Variants in PCDHAC1 observed in about 807,000 individuals in gnomAD.
The protein encoded by PCDHAC1 is protocadherin alpha-C1.
A neutral mutation model predicts 60.0 loss-of-function variants in PCDHAC1; 42 were observed. The ratio of observed to expected loss-of-function variants is 0.70; its 90% CI spans 0.55 to 0.90. The LOEUF is 0.90. Among genes scored for constraint, PCDHAC1 ranks in the 40% least tolerant of loss-of-function variants. The pLI, the probability that PCDHAC1 is intolerant of heterozygous loss-of-function variation, is 0.00. For missense variants in PCDHAC1, 1,160 were observed against 1,222.3 expected (o/e 0.95, Z 0.76); for synonymous variants, 468 against 499.3 (o/e 0.94, Z 0.84).
chr5:140,926,860 C>T lies in PCDHAC1; in HGVS notation c.-33C>T. 6.6e-7 allele frequency: 1 copy of T among 1,521,078 alleles called. No homozygotes were observed. The highest frequency in any genetic ancestry group is 8.8e-7 in the Non-Finnish European group (1 of 1,134,612). The allele number at this position is 1,521,078 out of a possible 1,614,324, so 94.2% of individuals were successfully genotyped here. A position where few individuals can be genotyped will look rare whatever the true frequency, so the allele number is the denominator to read the frequency against. The stretch of plus-strand genomic sequence containing the variant: ...TGGTCCTGGGTCACCGTTGGTGTAG[C>T]GTGTTGGTGGAACGTGGACGCCTAG... On this transcript the variant is annotated 5_prime_UTR_variant, in exon 1 of 4. Coordinates refer to ENST00000253807, the MANE Select transcript of PCDHAC1 (RefSeq NM_018898.5).
chr5:140,927,457 A>G lies in PCDHAC1; in HGVS notation c.565A>G (p.Lys189Glu). Residue 189 changes from lysine to glutamate, a missense_variant, in exon 1 of 4, where the codon AAA becomes GAA. By Grantham distance (56) the Lys-to-Glu change is moderately conservative. Coordinates refer to ENST00000253807, the MANE Select transcript of PCDHAC1 (RefSeq NM_018898.5). ...GSEYPELVLE[K>E]ALDREQRATH... ...CGAATACCCGGAGTTGGTGTTGGAG[A>G]AAGCACTGGATCGCGAACAGCGCGC... 1 of 1,614,098 alleles carries G rather than the reference A, an allele frequency of 6.2e-7. No individual in the cohort carries two copies. The highest frequency in any genetic ancestry group is 8.5e-7 in the Non-Finnish European group (1 of 1,180,018).
intron 1 of PCDHAC1, among the ~76,000 whole-genome samples, chr5:140,936,916 A>C (rs782442769): frequency 3.0e-4 from 46 of 152,222 alleles, no homozygotes; most frequent in Non-Finnish European, 6.6e-4. Context: ...ATCTGTAGAA[A>C]ATATGGGGTA....
intron 3 of PCDHAC1, chr5:140,989,029 T>C (rs1179991724): frequency 6.6e-6 from 1 of 152,170 alleles, no homozygotes. Context: ...TCAGTTATCA[T>C]TGATTCCTTT....
At chr5:140,953,333 G>T (rs1164031991) in intron 1 of PCDHAC1, among the ~76,000 whole-genome samples, 1 of 151,962 alleles carries the variant, frequency 6.6e-6, no homozygotes, top group East Asian at 1.9e-4. Flanking sequence ...TAGAATTTAG[G>T]GCTCACCTTC....
chr5:140,982,254 T>C (rs1275431812), intron 2 of PCDHAC1: 9 of 774,802 alleles, frequency 1.2e-5, no homozygotes, highest in Non-Finnish European at 1.5e-5. Flanking sequence ...AGATAGAACA[T>C]GTGTGTTCCT....
chr5:140,991,570 C>T (rs1554252306), intron 3 of PCDHAC1, among the ~76,000 whole-genome samples: 1 of 152,220 alleles, frequency 6.6e-6, no homozygotes, highest in Non-Finnish European at 1.5e-5. Context: ...TTTCCAATAA[C>T]AGGCTCCTTA....
chr5:140,962,087 A>G (rs1284028102), intron 1 of PCDHAC1, among the ~76,000 whole-genome samples: 10 of 151,912 alleles, frequency 6.6e-5, no homozygotes, highest in Non-Finnish European at 1.3e-4. Flanking sequence ...GGGTTTCACC[A>G]TGTTAGCCAG....
At chr5:141,006,637 T>C (rs782585273) in intron 3 of PCDHAC1, among the ~76,000 whole-genome samples, 8 of 152,118 alleles carry the variant, frequency 5.3e-5, no homozygotes, top group Non-Finnish European at 1.2e-4. Flanking sequence ...GCAATTCATA[T>C]AAGAGATGAT....
intron 2 of PCDHAC1, among the ~76,000 whole-genome samples, chr5:140,980,491 G>A (rs917181390): frequency 2.6e-5 from 4 of 152,132 alleles, no homozygotes; most frequent in Non-Finnish European, 5.9e-5. Flanking sequence ...TTAGCTGGGC[G>A]TGATGGCATG....
At chr5:140,995,936 T>C (rs1554254905) in intron 3 of PCDHAC1, among the ~76,000 whole-genome samples, 1 of 152,220 alleles carries the variant, frequency 6.6e-6, no homozygotes, top group Non-Finnish European at 1.5e-5. Context: ...AAGTATTAAA[T>C]GACATAATGC....
chr5:140,998,433 C>CTA (rs2097813622), intron 3 of PCDHAC1, among the ~76,000 whole-genome samples: 2 of 152,160 alleles, frequency 1.3e-5, no homozygotes, highest in Admixed American at 1.3e-4. Flanking sequence ...TCCTTTAACA[C>CTA]TATTATTGTA....
intron 3 of PCDHAC1, among the ~76,000 whole-genome samples, chr5:141,003,906 T>C (rs2153979379): frequency 6.6e-6 from 1 of 152,260 alleles, no homozygotes; most frequent in South Asian, 2.1e-4. Context: ...TTCATTTGGG[T>C]CTTGACTGCA....
At position 140,928,173 on chromosome 5, in the gene PCDHAC1, C is replaced by T. The variant is rs1554205586; in HGVS notation, c.1281C>T (p.Thr427=). The T allele has an allele frequency of 1.2e-6, 2 of 1,614,170 alleles. No individual in the cohort carries two copies. The highest frequency in any genetic ancestry group is 1.7e-5 in the Admixed American group (1 of 60,028). ...ASDSGSPPLS[T]RRTITVSVAD... ...ATAGTGGCTCACCCCCACTTAGCAC[C>T]CGAAGGACAATCACTGTGTCAGTTG... The change falls in exon 1 of 4, where the codon ACC becomes ACT. Residue 427 remains threonine (T), a synonymous_variant. Coordinates refer to ENST00000253807, the MANE Select transcript of PCDHAC1 (RefSeq NM_018898.5).
chr5:140,937,521 G>A (rs1244752316), intron 1 of PCDHAC1, among the ~76,000 whole-genome samples: 1 of 152,106 alleles, frequency 6.6e-6, no homozygotes, highest in Non-Finnish European at 1.5e-5. Context: ...GGAGGCTGAG[G>A]CAGGAGAATT....
chr5:140,946,574 G>A (rs246054), intron 1 of PCDHAC1, among the ~76,000 whole-genome samples: 79,382 of 143,554 alleles, frequency 0.55, 22,609 homozygotes, highest in African/African-American at 0.68. Context: ...AATCAACTTA[G>A]GTGTTCATAG....
intron 3 of PCDHAC1, among the ~76,000 whole-genome samples, chr5:140,984,397 G>A (rs1400095442): frequency 1.3e-5 from 2 of 152,112 alleles, no homozygotes; most frequent in African/African-American, 4.8e-5. Context: ...AAAATGTTGA[G>A]AACCTATCTT....
chr5:140,941,248 T>TTTCTTTCC (rs1563187616), intron 1 of PCDHAC1, among the ~76,000 whole-genome samples: 1 of 141,492 alleles, frequency 7.1e-6, no homozygotes, highest in African/African-American at 2.6e-5. Context: ...TCTTTCTTTC[T>TTTCTTTCC]TTCTTTCTCT....
At position 140,943,494 on chromosome 5, in the gene PCDHAC1, A is replaced by G. The variant is rs1046059269; in HGVS notation, c.2433+14169A>G. ...TACAGTAAAATAATAAATAGATGCT[A>G]TCAAGGTTCATGGAAATGTTGAGTT... is the stretch of plus-strand genomic sequence containing the variant. On this transcript the variant is annotated intron_variant, in intron 1 of 3. Transcript: ENST00000253807. Among the ~76,000 whole-genome samples, 4 of 152,132 alleles carry G rather than the reference A, an allele frequency of 2.6e-5. No homozygotes were observed. The East Asian group carries it at 5.8e-4, about 22-fold the overall frequency.
chr5:140,967,044 A>G, intron 1 of PCDHAC1: 3 of 1,612,116 alleles, frequency 1.9e-6, no homozygotes, highest in Non-Finnish European at 2.5e-6. Context: ...CTGGAGCTGG[A>G]CCTGACGAGT....
Sources: gnomAD v4.1 joint callset for allele counts (sites outside exome capture counted in the v4.1 genomes callset) on GRCh38, gnomAD v4.1.1 for gene constraint, MANE v1.5 for transcripts, NCBI Gene and HGNC (gene_info 2026-07-23, HGNC 2026-07-21) for gene names.